Variants in DNAH10 observed in about 807,000 individuals in gnomAD.
The protein encoded by DNAH10 is dynein axonemal heavy chain 10, also known as axonemal beta dynein heavy chain 10.
DNAH10 carries 348 observed loss-of-function variants against 506.6 expected under a neutral mutation model. The ratio of observed to expected loss-of-function variants is 0.69; its 90% CI spans 0.63 to 0.75. DNAH10 has a LOEUF of 0.75. Ranked by LOEUF, DNAH10 falls within the 30% of genes least tolerant of loss-of-function variation. The pLI is 0.00. For synonymous variants in DNAH10, 2,059 were observed against 2,198.6 expected, an observed-to-expected ratio of 0.94 and a Z score of 1.78; for missense variants, 5,179 against 5,787.1, an observed-to-expected ratio of 0.89 and a Z score of 3.41.
chr12:123,852,984 G>A (rs1319187675), intron 35 of DNAH10, among the ~76,000 whole-genome samples: 2 of 152,062 alleles, frequency 1.3e-5, no homozygotes, highest in African/African-American at 4.8e-5. Flanking sequence ...GAAGATTTTG[G>A]TAACACAGAT....
intron 32 of DNAH10, among the ~76,000 whole-genome samples, chr12:123,847,599 C>T (rs1951012474): frequency 6.6e-6 from 1 of 152,128 alleles, no homozygotes; most frequent in African/African-American, 2.4e-5. Context: ...TAACCTCCCT[C>T]CATCCTTCTG....
At chr12:123,921,872 C>T (rs1408597541) in intron 65 of DNAH10, among the ~76,000 whole-genome samples, 2 of 151,618 alleles carry the variant, frequency 1.3e-5, no homozygotes. Flanking sequence ...TACCACCACA[C>T]TCAGCTAATT....
chr12:123,878,144 C>T (rs1050648162), intron 48 of DNAH10, among the ~76,000 whole-genome samples: 1 of 152,208 alleles, frequency 6.6e-6, no homozygotes, highest in Admixed American at 6.5e-5. Context: ...AAGCCTATCA[C>T]ACCCCTTGGG....
chr12:123,814,160 T>A, intron 21 of DNAH10: 1 of 331,452 alleles, frequency 3.0e-6, no homozygotes, highest in African/African-American at 2.1e-5. Context: ...TTTTCTTTTC[T>A]TCTTTTTTTT....
intron 40 of DNAH10, among the ~76,000 whole-genome samples, chr12:123,865,289 A>G (rs971410245): frequency 3.3e-5 from 5 of 150,528 alleles, no homozygotes. Flanking sequence ...TTTCTATCAT[A>G]TCAAGTATTC....
chr12:123,894,546 C>T, intron 53 of DNAH10, 97 bp from the exon 54 acceptor site: 3 of 1,138,304 alleles, frequency 2.6e-6, no homozygotes, highest in South Asian at 1.4e-5. Flanking sequence ...GTGTGAGCCA[C>T]CACACCCGGC....
intron 51 of DNAH10, among the ~76,000 whole-genome samples, chr12:123,884,171 A>G (rs1191015970): frequency 6.6e-6 from 1 of 152,116 alleles, no homozygotes; most frequent in Non-Finnish European, 1.5e-5. Flanking sequence ...AGTAGCTGGG[A>G]TTACAGGCAT....
At chr12:123,827,848 G>A (rs1247383011) in intron 25 of DNAH10, among the ~76,000 whole-genome samples, 1 of 152,132 alleles carries the variant, frequency 6.6e-6, no homozygotes, top group African/African-American at 2.4e-5. Flanking sequence ...GTGACGTGGA[G>A]TCTTAGCCCT....
rs1379921900 is a variant in DNAH10, at chr12:123,830,958, A to G, written c.4545+259A>G. Among the ~76,000 whole-genome samples, 3 of 152,138 alleles carry G rather than the reference A, an allele frequency of 2.0e-5. No individual in the cohort carries two copies. The East Asian group carries it at 5.8e-4, about 29-fold the overall frequency. On this transcript the variant is annotated intron_variant, in intron 26 of 78. Transcript: ENST00000673944. ...ACCTTGTCTCAAAGAAGAAAAACAA[A>G]CAAAAAAGAGAAAACATATTTGCTC...
intron 4 of DNAH10, 82 bp downstream of exon 4, chr12:123,773,024 T>C: frequency 1.1e-6 from 1 of 941,104 alleles, no homozygotes; most frequent in Non-Finnish European, 1.6e-6. Flanking sequence ...TTCTGTTGTC[T>C]TTTTATGGTT....
chr12:123,909,605 C>T lies in DNAH10; in HGVS notation c.9997+163C>T, dbSNP rs1472893306. 6.6e-6 allele frequency among the ~76,000 whole-genome samples: 1 copy of T among 152,226 alleles called. No individual in the cohort carries two copies. The stretch of plus-strand genomic sequence containing the variant: ...GCAACTGATGGTCACCAGAGGAAAA[C>T]AGCAGCCCCATGACGTGACCCAGGG... On this transcript the variant is annotated intron_variant, in intron 58 of 78. Coordinates refer to ENST00000673944, the MANE Select transcript of DNAH10 (RefSeq NM_001372106.1). The surrounding 1 kb of genome is among the most constrained non-coding windows in gnomAD (Gnocchi z 5.4).
At chr12:123,778,215 AT>A (rs200993798) in intron 5 of DNAH10, among the ~76,000 whole-genome samples, 2,276 of 144,700 alleles carry the variant, frequency 0.016, 49 homozygotes, top group African/African-American at 0.047. Context: ...AAAAAAAAAA[AT>A]GAAAAATAAA....
chr12:123,822,583 A>G (rs1392295824), intron 24 of DNAH10, among the ~76,000 whole-genome samples: 1 of 152,148 alleles, frequency 6.6e-6, no homozygotes, highest in African/African-American at 2.4e-5. Flanking sequence ...TCTAATCTAC[A>G]TATCTATTTC....
chr12:123,830,774 C>T (rs1960460087), intron 26 of DNAH10, 75 bp downstream of exon 26: 8 of 1,218,888 alleles, frequency 6.6e-6, no homozygotes, highest in Admixed American at 3.1e-5. Context: ...GAGAACTCAT[C>T]TATACTAAAA....
chr12:123,765,555 A>G (rs904433342), intron 1 of DNAH10, among the ~76,000 whole-genome samples: 1 of 98,108 alleles, frequency 1.0e-5, no homozygotes, highest in Non-Finnish European at 1.9e-5. Flanking sequence ...CTATGCATCT[A>G]TCTATACTTT....
intron 22 of DNAH10, 40 bp downstream of exon 22, chr12:123,819,106 A>C (rs1052056806): frequency 4.4e-6 from 7 of 1,603,548 alleles, no homozygotes; most frequent in Non-Finnish European, 6.0e-6. Context: ...AGACATTGAA[A>C]AACGTATTTG....
At chr12:123,791,629 T>A (rs1368174316) in intron 11 of DNAH10, among the ~76,000 whole-genome samples, 2 of 152,184 alleles carry the variant, frequency 1.3e-5, no homozygotes, top group African/African-American at 4.8e-5. Context: ...CAGGCTAAAG[T>A]GCAGTGGTGT....
At chr12:123,821,465 G>C (rs540039467) in intron 24 of DNAH10, among the ~76,000 whole-genome samples, 139 of 152,056 alleles carry the variant, frequency 9.1e-4, no homozygotes, top group Non-Finnish European at 1.5e-3. Context: ...AAAGCAGTTG[G>C]GACTACAGAG....
chr12:123,800,073 A>ATTCCAGCCAG (rs1036480816), intron 14 of DNAH10, 143 bp from the exon 15 acceptor site: 1 of 657,418 alleles, frequency 1.5e-6, no homozygotes, highest in Non-Finnish European at 2.4e-6. Flanking sequence ...CAAAATACAT[A>ATTCCAGCCAG]TTCCAGCCAG....
Sources: gnomAD v4.1 joint callset for allele counts (sites outside exome capture counted in the v4.1 genomes callset) on GRCh38, gnomAD v4.1.1 for gene constraint, Gnocchi (gnomAD v3.1) non-coding constraint, MANE v1.5 for transcripts, NCBI Gene and HGNC (gene_info 2026-07-23, HGNC 2026-07-21) for gene names.